The following AFAP1L2 variants were observed in gnomAD, a reference collection of about 807,000 sequenced individuals.
AFAP1L2 encodes actin filament-associated protein 1-like 2.
A neutral mutation model predicts 99.3 loss-of-function variants in AFAP1L2; 46 were observed. The observed-to-expected ratio is 0.46, with a 90% CI of 0.37 to 0.59. AFAP1L2 has a LOEUF of 0.59. Ranked by LOEUF, AFAP1L2 falls within the 20% of genes least tolerant of loss-of-function variation. The pLI is 0.00. For missense variants in AFAP1L2, 959 were observed against 1,034.9 expected (o/e 0.93, Z 1.01); for synonymous variants, 397 against 419.1 (o/e 0.95, Z 0.64).
chr10:114,289,891 A>G, downstream of AFAP1L2: 2 of 320,888 alleles, frequency 6.2e-6, no homozygotes, highest in South Asian at 7.9e-5. Flanking sequence ...ACCTTCTTAA[A>G]AGAGACAGGA....
chr10:114,291,374 G>A, downstream of AFAP1L2: 1 of 1,057,422 alleles, frequency 9.5e-7, no homozygotes, highest in Non-Finnish European at 1.3e-6. Context: ...TCCCGCCGTG[G>A]CCAGGACCAC....
intron 1 of AFAP1L2, among the ~76,000 whole-genome samples, chr10:114,368,063 C>T (rs1477277678): frequency 1.3e-5 from 2 of 152,014 alleles, no homozygotes; most frequent in East Asian, 1.9e-4. Context: ...GATAAGAGGA[C>T]GTGTAAGGCA....
the AFAP1L2 span, chr10:114,289,016 T>G: frequency 6.2e-7 from 1 of 1,614,208 alleles, no homozygotes; most frequent in Non-Finnish European, 8.5e-7. Context: ...TTTGCTCAGA[T>G]GCAGAGCTTT....
chr10:114,348,291 T>G (rs796393175), intron 1 of AFAP1L2, among the ~76,000 whole-genome samples: 2 of 152,342 alleles, frequency 1.3e-5, no homozygotes, highest in African/African-American at 4.8e-5. Flanking sequence ...GAAATTCTAT[T>G]TGTTTTGAGA....
At chr10:114,399,172 T>A (rs74160404) in intron 1 of AFAP1L2, among the ~76,000 whole-genome samples, 3,206 of 152,346 alleles carry the variant, frequency 0.021, 112 homozygotes, top group African/African-American at 0.074. Flanking sequence ...AAAGACAAAG[T>A]CCCTGTCTTG....
chr10:114,281,367 T>C, the AFAP1L2 span: 1 of 152,020 alleles, frequency 6.6e-6, no homozygotes, highest in African/African-American at 2.4e-5. Context: ...GCCCACAGGG[T>C]AGAGTGGGGG....
intron 1 of AFAP1L2, among the ~76,000 whole-genome samples, chr10:114,387,902 G>A (rs957274162): frequency 2.0e-5 from 3 of 151,966 alleles, no homozygotes; most frequent in East Asian, 1.9e-4. Context: ...GGAAGGACAC[G>A]GGACCACAAT....
In AFAP1L2 at chr10:114,312,122, G is replaced by A. The variant is rs970312174; in HGVS notation, c.793-1679C>T. 9.3e-4 allele frequency among the ~76,000 whole-genome samples: 142 copies of A among 152,166 alleles called. 3 individuals are homozygous for A. The highest frequency in any genetic ancestry group is 2.6e-4 in the Non-Finnish European group (18 of 68,020). ...CCACCAGCAGAGGCTATGGGGCCAG[G>A]GGCCTCAGGAAGAGGGCGTGAGAGT... On this transcript the variant is annotated intron_variant, in intron 7 of 18. Transcript: ENST00000304129.
intron 1 of AFAP1L2, among the ~76,000 whole-genome samples, chr10:114,383,217 T>A (rs1456051965): frequency 6.6e-6 from 1 of 152,162 alleles, no homozygotes; most frequent in African/African-American, 2.4e-5. Flanking sequence ...CAAGGGCAGG[T>A]GAATGAACCT....
chr10:114,384,022 C>T (rs1450302989), intron 1 of AFAP1L2, among the ~76,000 whole-genome samples: 1 of 152,208 alleles, frequency 6.6e-6, no homozygotes, highest in Admixed American at 6.5e-5. Flanking sequence ...GGCCCCAGTG[C>T]CCTTGTCCAT....
chr10:114,318,748 G>GA (rs58243775), intron 5 of AFAP1L2, among the ~76,000 whole-genome samples: 19 of 118,914 alleles, frequency 1.6e-4, no homozygotes, highest in Admixed American at 3.7e-4. Context: ...CTAAAAAAAA[G>GA]AAAAAAAAAA....
chr10:114,300,678 C>A lies in AFAP1L2; in HGVS notation c.1555G>T (p.Glu519Ter). The change falls in exon 14 of 19, where the codon GAG becomes TAG. Residue 519 changes from glutamate to a stop codon, truncating the protein, a stop_gained. Transcript: ENST00000304129. LOFTEE classifies it high-confidence loss of function. ...TCATCTGCAACAGGGGTGGCTTCCT[C>A]GGTAGGCTCCACCTGCAGGAGAGAG... is the stretch of plus-strand genomic sequence containing the variant. ...SELTAAVEPT[E>*]EATPVADDPN... 1 of 1,592,214 alleles carries A rather than the reference C, an allele frequency of 6.3e-7. No homozygotes were observed. The highest frequency in any genetic ancestry group is 8.6e-7 in the Non-Finnish European group (1 of 1,168,158).
Position 114,331,848 on chromosome 10 carries a change from G to T in AFAP1L2, c.270C>A (p.Ser90=). The change falls in exon 4 of 19, where the codon TCC becomes TCA. Residue 90 remains serine (S), a synonymous_variant. Transcript: ENST00000304129. The stretch of plus-strand genomic sequence containing the variant: ...CTGGAAGGCTCTTCTGAGGGGCCGA[G>T]GAGTGCTGGCTGGGCTCCCCATTGG... ...LLPNGEPSQH[S]SAPQKSLPDL... 1 of 1,396,796 alleles carries T rather than the reference G, an allele frequency of 7.2e-7. No individual in the cohort carries two copies. Among genetic ancestry groups the T allele is most frequent in the Non-Finnish European group, 9.4e-7 (1 of 1,066,976 alleles). 86.5% of individuals were successfully genotyped at this position (1,396,796 alleles called of 1,614,324 possible).
the AFAP1L2 span, chr10:114,286,102 C>T: frequency 6.2e-7 from 1 of 1,614,162 alleles, no homozygotes; most frequent in African/African-American, 1.3e-5. Flanking sequence ...TGGCCACATA[C>T]AGCAGGGAGC....
rs1269035881 is a variant in AFAP1L2 at position 114,305,135 on chromosome 10, A to ATGCAGGAGGGGACTGGGC, written c.1073-223_1073-206dup. 1.3e-4 allele frequency: 47 copies of ATGCAGGAGGGGACTGGGC among 359,128 alleles called. 1 individual carries two copies. The highest frequency in any genetic ancestry group is 1.7e-4 in the Non-Finnish European group (33 of 196,820). The allele number at this position is 359,128 out of a possible 1,614,324, so 22.2% of individuals were successfully genotyped here. The stretch of plus-strand genomic sequence containing the variant: ...GACCGGGCTGCAGGAGGGGACGCAG[A>ATGCAGGAGGGGACTGGGC]TGCAGGAGGGGACTGGGCTGCAGGA... On this transcript the variant is annotated intron_variant, in intron 10 of 18. Coordinates refer to ENST00000304129, the MANE Select transcript of AFAP1L2 (RefSeq NM_001001936.3).
intron 3 of AFAP1L2, 56 bp downstream of exon 3, chr10:114,333,165 C>A: frequency 6.6e-7 from 1 of 1,507,056 alleles, no homozygotes; most frequent in Non-Finnish European, 9.2e-7. Flanking sequence ...CAGCTTGGAC[C>A]TTCCCCCATC....
At chr10:114,318,908 C>T (rs777861033) in intron 5 of AFAP1L2, among the ~76,000 whole-genome samples, 1 of 151,980 alleles carries the variant, frequency 6.6e-6, no homozygotes, top group African/African-American at 2.4e-5. Flanking sequence ...AATTCCAGTA[C>T]TTTGGAAGGC....
At chr10:114,313,586 G>A (rs1005109) in intron 7 of AFAP1L2, among the ~76,000 whole-genome samples, 14,027 of 152,160 alleles carry the variant, frequency 0.092, 981 homozygotes, top group African/African-American at 0.19. Context: ...AAATGGCAGC[G>A]ACATGTATTC....
chr10:114,340,762 T>C (rs2048701937), intron 1 of AFAP1L2, 31 bp from the exon 2 acceptor site: 1 of 1,614,036 alleles, frequency 6.2e-7, no homozygotes, highest in Middle Eastern at 1.7e-4. Context: ...AAACTTATAG[T>C]GGCTGCCCGC....
Sources: allele counts gnomAD v4.1 joint callset (sites outside exome capture counted in the v4.1 genomes callset), GRCh38; gene constraint gnomAD v4.1.1; transcripts MANE v1.5; gene names NCBI Gene and HGNC (gene_info 2026-07-23, HGNC 2026-07-21).